ZBTB41: variants seen among roughly 807,000 people sequenced by gnomAD.
ZBTB41 encodes the protein zinc finger and BTB domain containing 41.
ZBTB41 carries 42 observed loss-of-function variants against 87.6 expected under a neutral mutation model. The observed-to-expected ratio is 0.48, with a 90% CI of 0.37 to 0.62. The LOEUF (loss-of-function observed/expected upper bound fraction) is 0.62, where lower values mean the gene tolerates loss of function less well. Ranked by LOEUF, ZBTB41 falls within the 20% of genes least tolerant of loss-of-function variation. The probability of loss-of-function intolerance (pLI) is 0.00; values close to 1 mark genes in which losing one functional copy is unlikely to be tolerated. For synonymous variants in ZBTB41, 364 were observed against 364.0 expected, an observed-to-expected ratio of 1.00 and a Z score of 0.00; for missense variants, 799 against 1,078.9, an observed-to-expected ratio of 0.74 and a Z score of 3.63.
At chr1:197,170,045 T>C (rs1659440733) in intron 10 of ZBTB41, among the ~76,000 whole-genome samples, 1 of 151,986 alleles carries the variant, frequency 6.6e-6, no homozygotes, top group Non-Finnish European at 1.5e-5. Flanking sequence ...TCAAAAGCCC[T>C]ACGATATGCA....
Position 197,180,970 on chromosome 1 carries a change from G to A in ZBTB41, c.1676+18C>T. ...TAATAGTACTAGGATTTTTGTGGGT[G>A]TGCAGATAATTCTTCACCTTTCTCG... On this transcript the variant is annotated intron_variant, in intron 6 of 10. Transcript: ENST00000367405. The A allele has an allele frequency of 6.3e-7, 1 of 1,581,622 alleles. No individual in the cohort carries two copies. The highest frequency in any genetic ancestry group is 8.5e-7 in the Non-Finnish European group (1 of 1,171,828).
chr1:197,183,844 TAAC>T (rs1192060459), intron 5 of ZBTB41, among the ~76,000 whole-genome samples: 3 of 152,166 alleles, frequency 2.0e-5, no homozygotes, highest in Admixed American at 6.5e-5. Context: ...AAGAATCTCT[TAAC>T]AAGTCATAAA....
intron 7 of ZBTB41, 68 bp from the exon 8 acceptor site, chr1:197,176,738 T>C: frequency 3.6e-6 from 4 of 1,096,534 alleles, no homozygotes; most frequent in Admixed American, 3.5e-5. Context: ...CAATAATGAA[T>C]AAATGATGAA....
chr1:197,192,430 T>G (rs1310110387), intron 2 of ZBTB41, among the ~76,000 whole-genome samples: 1 of 152,140 alleles, frequency 6.6e-6, no homozygotes, highest in Admixed American at 6.5e-5. Flanking sequence ...ATAACAGAAT[T>G]TACCTAATAG....
intron 8 of ZBTB41, among the ~76,000 whole-genome samples, chr1:197,175,648 C>A (rs185798573): frequency 4.0e-5 from 6 of 151,370 alleles, no homozygotes; most frequent in Admixed American, 3.3e-4. Context: ...AATTTCTCAT[C>A]TCTATTCTTA....
chr1:197,158,106 GT>G lies in ZBTB41; in HGVS notation c.*1252del, dbSNP rs1351721593. 2 of 152,374 alleles carry G rather than the reference GT, an allele frequency of 1.3e-5. No individual in the cohort carries two copies. Among genetic ancestry groups the G allele is most frequent in the Non-Finnish European group, 2.9e-5 (2 of 67,870 alleles). The allele number at this position is 152,374 out of a possible 1,614,324, so 9.4% of individuals were successfully genotyped here. A position where few individuals can be genotyped will look rare whatever the true frequency, so the allele number is the denominator to read the frequency against. ...TAAAATTGACTTGAAAATATGGAAA[GT>G]GCATGTCTTTAAAGGTATTTTATAA... On this transcript the variant is annotated 3_prime_UTR_variant, in exon 11 of 11. Transcript: ENST00000367405.
intron 10 of ZBTB41, among the ~76,000 whole-genome samples, chr1:197,166,363 G>C (rs1420733183): frequency 6.6e-6 from 1 of 151,878 alleles, no homozygotes; most frequent in East Asian, 1.9e-4. Flanking sequence ...CTAGTAACAG[G>C]AATGACAAAA....
chr1:197,191,623 T>C, intron 3 of ZBTB41, 69 bp downstream of exon 3: 2 of 1,307,942 alleles, frequency 1.5e-6, no homozygotes, highest in African/African-American at 3.0e-5. Context: ...TTATAGATGT[T>C]TTTAGCTTTC....
In ZBTB41 at chr1:197,180,989, T is replaced by A; in HGVS notation, c.1675A>T (p.Arg559Ter). 6.3e-7 allele frequency: 1 copy of A among 1,589,348 alleles called. No individual in the cohort carries two copies. The highest frequency in any genetic ancestry group is 8.5e-7 in the Non-Finnish European group (1 of 1,174,064). Residue 559 changes from arginine to a stop codon, truncating the protein, a stop_gained and splice_region_variant, in exon 6 of 11, where the codon AGA becomes TGA. Transcript: ENST00000367405. LOFTEE classifies it high-confidence loss of function. ...GTGGGTGTGCAGATAATTCTTCACC[T>A]TTCTCGTACTGATTTTCCACAGATA... is the stretch of plus-strand genomic sequence containing the variant. ...CFICGKSVRERTTLKEHLRIH... is the reference protein window; with the variant it reads ...CFICGKSVRE
chr1:197,196,035 G>T (rs1660154079), intron 2 of ZBTB41, among the ~76,000 whole-genome samples: 1 of 152,136 alleles, frequency 6.6e-6, no homozygotes, highest in Non-Finnish European at 1.5e-5. Flanking sequence ...AGTCAAGCCA[G>T]ATACCAACTT....
intron 5 of ZBTB41, among the ~76,000 whole-genome samples, chr1:197,183,675 T>C (rs539756562): frequency 5.9e-5 from 9 of 152,350 alleles, no homozygotes; most frequent in African/African-American, 2.2e-4. Flanking sequence ...GAGCTGATCA[T>C]ACATTTAGCA....
intron 5 of ZBTB41, 63 bp downstream of exon 5, chr1:197,188,229 C>A (rs1047420001): frequency 6.4e-7 from 1 of 1,569,616 alleles, no homozygotes; most frequent in South Asian, 1.2e-5. Context: ...ATAGAAGGCT[C>A]CTCCAGCATG....
intron 6 of ZBTB41, among the ~76,000 whole-genome samples, chr1:197,180,271 C>T (rs1659711243): frequency 6.6e-6 from 1 of 152,090 alleles, no homozygotes; most frequent in African/African-American, 2.4e-5. Flanking sequence ...CTGGCTAAAC[C>T]ACATAGCCTA....
At position 197,157,586 on chromosome 1, in the gene ZBTB41, G is replaced by A. The variant is rs1429075296; in HGVS notation, c.*1773C>T. On this transcript the variant is annotated 3_prime_UTR_variant, in exon 11 of 11. Transcript: ENST00000367405. ...ATAACATTTCCACACAAAGAAATAA[G>A]AATACTTTAAAAAGGAGAACATAGT... The A allele has an allele frequency of 1.3e-5, 2 of 152,066 alleles. No individual in the cohort carries two copies. Among genetic ancestry groups the A allele is most frequent in the African/African-American group, 4.8e-5 (2 of 41,378 alleles). 9.4% of individuals were successfully genotyped at this position (152,066 alleles called of 1,614,324 possible).
intron 9 of ZBTB41, 40 bp downstream of exon 9, chr1:197,174,970 A>G (rs1042850311): frequency 4.0e-6 from 6 of 1,517,522 alleles, no homozygotes; most frequent in Non-Finnish European, 5.4e-6. Flanking sequence ...TCAGAGACTT[A>G]GCCAATGTAA....
intron 9 of ZBTB41, among the ~76,000 whole-genome samples, chr1:197,174,768 C>T (rs1239870886): frequency 6.6e-6 from 1 of 151,964 alleles, no homozygotes; most frequent in Non-Finnish European, 1.5e-5. Context: ...CAACCAAATG[C>T]CAAGATTTTT....
chr1:197,166,680 CTTAAAAAAAAAAAAAAA>C (rs1442318133), intron 10 of ZBTB41, among the ~76,000 whole-genome samples: 1 of 104,330 alleles, frequency 9.6e-6, no homozygotes, highest in African/African-American at 2.6e-5. Flanking sequence ...CTCATCTCTA[CTTAAAAAAAAAAAAAAA>C]TTAGCCGGGT....
rs756219081 is a variant in ZBTB41, at chr1:197,199,973, A to G, written c.501T>C (p.Ile167=). 27 of 1,613,430 alleles carry G rather than the reference A, an allele frequency of 1.7e-5. 1 individual carries two copies. Among genetic ancestry groups the G allele is most frequent in the Non-Finnish European group, 2.3e-5 (27 of 1,179,844 alleles). ...LVLEAAKFLD[I]IDAVKLLNNE... ...TATTTAACAACTTCACTGCATCTAT[A>G]ATGTCCAAAAATTTTGCAGCCTCTA... The change falls in exon 2 of 11, where the codon ATT becomes ATC. Residue 167 remains isoleucine, a synonymous_variant. Coordinates refer to ENST00000367405, the MANE Select transcript of ZBTB41 (RefSeq NM_194314.3).
intron 5 of ZBTB41, among the ~76,000 whole-genome samples, chr1:197,183,457 T>C (rs998246837): frequency 1.3e-5 from 2 of 152,190 alleles, no homozygotes; most frequent in South Asian, 4.1e-4. Flanking sequence ...TTCTACATCA[T>C]GCCACACCTA....
Sources: allele counts gnomAD v4.1 joint callset (sites outside exome capture counted in the v4.1 genomes callset), GRCh38; gene constraint gnomAD v4.1.1; transcripts MANE v1.5; gene names NCBI Gene and HGNC (gene_info 2026-07-23, HGNC 2026-07-21).